GRIP1: variants seen among roughly 807,000 people sequenced by gnomAD.
GRIP1 encodes glutamate receptor interacting protein 1.
Under a neutral mutation model 129.9 loss-of-function variants are expected in GRIP1, and 45 were observed. The ratio of observed to expected loss-of-function variants is 0.35; its 90% CI spans 0.27 to 0.44. The LOEUF is 0.44. GRIP1 is among the 20% of genes least tolerant of loss of function. The pLI, the probability that GRIP1 is intolerant of heterozygous loss-of-function variation, is 1.00. For synonymous variants in GRIP1, 530 were observed against 520.8 expected (o/e 1.02, Z -0.24); for missense variants, 1,196 against 1,396.8 (o/e 0.86, Z 2.29).
chr12:66,477,564 T>C (rs1292658940), intron 7 of GRIP1, among the ~76,000 whole-genome samples: 1 of 152,088 alleles, frequency 6.6e-6, no homozygotes, highest in Non-Finnish European at 1.5e-5. Flanking sequence ...AGAGCCTGCA[T>C]TGCCAAGTCA....
chr12:66,803,445 T>C (rs1050485448), intron 1 of GRIP1, among the ~76,000 whole-genome samples: 14 of 152,210 alleles, frequency 9.2e-5, no homozygotes, highest in Non-Finnish European at 4.4e-5. Flanking sequence ...CTTCTATTTA[T>C]AAGCTAAGTT....
chr12:67,023,014 A>G (rs1238647278), intron 1 of GRIP1, among the ~76,000 whole-genome samples: 3 of 152,092 alleles, frequency 2.0e-5, no homozygotes, highest in Admixed American at 2.0e-4. Context: ...TGGTTTATTT[A>G]TTATTACAGA....
chr12:66,429,122 C>G (rs1177224963), intron 14 of GRIP1, among the ~76,000 whole-genome samples: 1 of 152,200 alleles, frequency 6.6e-6, no homozygotes, highest in African/African-American at 2.4e-5. Context: ...AAACTGCTCA[C>G]TGTGTCTAAA....
At chr12:66,912,774 G>A (rs1478462467) in intron 1 of GRIP1, among the ~76,000 whole-genome samples, 1 of 152,038 alleles carries the variant, frequency 6.6e-6, no homozygotes, top group Non-Finnish European at 1.5e-5. Context: ...GGCTACAATC[G>A]AAGAAGTCAA....
intron 2 of GRIP1, among the ~76,000 whole-genome samples, chr12:66,555,599 T>C (rs557078381): frequency 1.2e-4 from 18 of 151,958 alleles, no homozygotes; most frequent in African/African-American, 3.1e-4. Flanking sequence ...CCCAGAGAAA[T>C]AGAGCTATGT....
In GRIP1 at chr12:67,025,786, C is replaced by A. The variant is rs117324427; in HGVS notation, c.58+43264G>T. Among the ~76,000 whole-genome samples, 62 of 152,104 alleles carry A rather than the reference C, an allele frequency of 4.1e-4. No homozygotes were observed. The East Asian group carries it at 7.3e-3, about 18-fold the overall frequency. On this transcript the variant is annotated intron_variant, in intron 1 of 1. Coordinates refer to the GRIP1 transcript ENST00000643019. ...ATGGAAGATAACAGGATCCAGGCAA[C>A]GAGGCATAATATATTTAAAACAAAT... is the stretch of plus-strand genomic sequence containing the variant.
At chr12:66,939,729 G>A (rs1413134573) in intron 1 of GRIP1, among the ~76,000 whole-genome samples, 1 of 152,028 alleles carries the variant, frequency 6.6e-6, no homozygotes, top group Non-Finnish European at 1.5e-5. Flanking sequence ...AAACCATGGA[G>A]TTCTCTAGGT....
intron 1 of GRIP1, among the ~76,000 whole-genome samples, chr12:67,059,218 G>A (rs1294694556): frequency 6.6e-6 from 1 of 152,190 alleles, no homozygotes; most frequent in Non-Finnish European, 1.5e-5. Flanking sequence ...TGGCTGCCAG[G>A]AGAGATACAG....
intron 15 of GRIP1, among the ~76,000 whole-genome samples, chr12:66,412,643 A>C (rs1295770156): frequency 6.6e-6 from 1 of 152,348 alleles, no homozygotes; most frequent in African/African-American, 2.4e-5. Context: ...CACTAAACTT[A>C]AATGTAAACA....
intron 1 of GRIP1, among the ~76,000 whole-genome samples, chr12:67,064,460 G>T (rs1460393617): frequency 6.6e-6 from 1 of 152,140 alleles, no homozygotes; most frequent in African/African-American, 2.4e-5. Flanking sequence ...ATCTGACAGG[G>T]TGACGAATAA....
chr12:67,031,857 T>A lies in GRIP1; in HGVS notation c.58+37193A>T, dbSNP rs181693262. Among the ~76,000 whole-genome samples, 909 of 152,282 alleles carry A rather than the reference T, an allele frequency of 6.0e-3. 33 individuals are homozygous for A. The highest frequency in any genetic ancestry group is 0.049 in the Admixed American group (751 of 15,284). On this transcript the variant is annotated intron_variant, in intron 1 of 1. Coordinates refer to the GRIP1 transcript ENST00000643019. ...TGTCTTCTTTTGTTTGGGGTTTTCA[T>A]TTTTTAGTCCATTTCCAACTGCTTC... is the stretch of plus-strand genomic sequence containing the variant.
chr12:66,556,117 A>G (rs2062323498), intron 2 of GRIP1, among the ~76,000 whole-genome samples: 1 of 152,160 alleles, frequency 6.6e-6, no homozygotes, highest in Non-Finnish European at 1.5e-5. Context: ...AGACTGCCTC[A>G]AGACATTTAA....
intron 1 of GRIP1, among the ~76,000 whole-genome samples, chr12:66,931,510 G>A (rs1442266464): frequency 2.0e-5 from 3 of 152,170 alleles, no homozygotes; most frequent in South Asian, 2.1e-4. Flanking sequence ...GAAATAGATC[G>A]TAGTCATCTA....
At chr12:67,018,563 T>C (rs2042821237) in intron 1 of GRIP1, among the ~76,000 whole-genome samples, 1 of 152,198 alleles carries the variant, frequency 6.6e-6, no homozygotes, top group Non-Finnish European at 1.5e-5. Flanking sequence ...AGCTCTCTGA[T>C]GGGTTCAAGA....
intron 1 of GRIP1, among the ~76,000 whole-genome samples, chr12:67,030,126 G>A (rs1338413818): frequency 1.3e-5 from 2 of 150,990 alleles, no homozygotes; most frequent in Admixed American, 6.6e-5. Flanking sequence ...CAGGAGAATG[G>A]CATGAACCCG....
At chr12:66,473,114 G>A (rs1003771144) in intron 7 of GRIP1, among the ~76,000 whole-genome samples, 23 of 152,134 alleles carry the variant, frequency 1.5e-4, no homozygotes, top group African/African-American at 4.3e-4. Context: ...GTCTAGAGTC[G>A]ACTTGGGATG....
At chr12:66,672,362 C>T (rs1372847097) in intron 1 of GRIP1, among the ~76,000 whole-genome samples, 1 of 152,090 alleles carries the variant, frequency 6.6e-6, no homozygotes, top group Non-Finnish European at 1.5e-5. Flanking sequence ...TTTAGGTGGT[C>T]ATCATTGACT....
intron 1 of GRIP1, among the ~76,000 whole-genome samples, chr12:66,811,582 C>A (rs1592868488): frequency 1.3e-5 from 2 of 152,040 alleles, no homozygotes; most frequent in African/African-American, 4.8e-5. Context: ...GAATTCATTC[C>A]ATTTTCCTTG....
chr12:66,502,725 A>G (rs2060425027), intron 7 of GRIP1, among the ~76,000 whole-genome samples: 1 of 152,150 alleles, frequency 6.6e-6, no homozygotes, highest in African/African-American at 2.4e-5. Flanking sequence ...GTAAAAGCTC[A>G]CTGAGGCCTT....
Sources: gnomAD v4.1 joint callset for allele counts (sites outside exome capture counted in the v4.1 genomes callset) on GRCh38, gnomAD v4.1.1 for gene constraint, MANE v1.5 for transcripts, NCBI Gene and HGNC (gene_info 2026-07-23, HGNC 2026-07-21) for gene names.